Variants in CFB observed in about 807,000 individuals in gnomAD.
The protein encoded by CFB is B-factor, properdin.
Under a neutral mutation model 97.2 loss-of-function variants are expected in CFB, and 59 were observed. The observed-to-expected ratio is 0.61, with a 90% CI of 0.49 to 0.75. The LOEUF (loss-of-function observed/expected upper bound fraction) is 0.75. Among genes scored for constraint, CFB ranks in the 30% least tolerant of loss-of-function variants. The pLI is 0.00. For synonymous variants in CFB, 316 were observed against 351.7 expected, an observed-to-expected ratio of 0.90 and a Z score of 1.14; for missense variants, 771 against 959.8, an observed-to-expected ratio of 0.80 and a Z score of 2.60.
chr6:31,950,639 G>A lies in CFB; in HGVS notation c.1645G>A (p.Glu549Lys). The change falls in exon 13 of 18, where the codon GAG becomes AAG. Residue 549 changes from glutamate to lysine, a missense_variant. Glu to Lys is a moderately conservative substitution (Grantham distance 56). Transcript: ENST00000425368. ...TTCAGGAGGGGAGAAGCGGGACCTG[G>A]AGATAGAAGTAGTCCTATTTCACCC... Reference protein sequence around the residue: ...VSVGGEKRDLEIEVVLFHPNY... With the variant: ...VSVGGEKRDLKIEVVLFHPNY... 1 of 1,613,078 alleles carries A rather than the reference G, an allele frequency of 6.2e-7. No individual in the cohort carries two copies. Among genetic ancestry groups the A allele is most frequent in the African/African-American group, 1.3e-5 (1 of 75,050 alleles).
chr6:31,949,086 C>A, intron 8 of CFB, 125 bp downstream of exon 8: 1 of 1,478,212 alleles, frequency 6.8e-7, no homozygotes, highest in Non-Finnish European at 9.3e-7. Flanking sequence ...GCTGGCTGTT[C>A]ATCTCTCCTG....
At position 31,947,977 on chromosome 6, in the gene CFB, C is replaced by T. The variant is rs1396757896; in HGVS notation, c.793C>T (p.Pro265Ser). ...ACAGAAGCGGAAGATCGTCCTGGAC[C>T]CTTCAGGCTCCATGAACATCTACCT... ...EQQKRKIVLDPSGSMNIYLVL... is the reference protein window; with the variant it reads ...EQQKRKIVLDSSGSMNIYLVL... The change falls in exon 6 of 18, where the codon CCT (proline) becomes TCT (serine). Residue 265 changes from proline (P) to serine (S), a missense_variant. Coordinates refer to ENST00000425368, the MANE Select transcript of CFB (RefSeq NM_001710.6). This position sits in a 1 kb window ranked among gnomAD's most constrained non-coding sequence, Gnocchi z 5.3. 1 of 1,614,186 alleles carries T rather than the reference C, an allele frequency of 6.2e-7. No homozygotes were observed. The highest frequency in any genetic ancestry group is 1.7e-5 in the Admixed American group (1 of 60,030).
intron 6 of CFB, 26 bp downstream of exon 6, chr6:31,948,107 G>A (rs1285255991): frequency 2.5e-6 from 4 of 1,607,366 alleles, no homozygotes; most frequent in Non-Finnish European, 3.4e-6. Context: ...CCCTGAACTC[G>A]GGGGAATGGA....
chr6:31,948,696 T>A (rs558389604), intron 7 of CFB, 134 bp from the exon 8 acceptor site: 101 of 1,534,848 alleles, frequency 6.6e-5, no homozygotes, highest in Non-Finnish European at 8.9e-5. Context: ...CACTTTGTGG[T>A]CAAAGGGAAG....
In CFB at chr6:31,951,876, T is replaced by C; in HGVS notation, c.2141T>C (p.Val714Ala). 6.2e-7 allele frequency: 1 copy of C among 1,613,188 alleles called. No homozygotes were observed. Among genetic ancestry groups the C allele is most frequent in the Non-Finnish European group, 8.5e-7 (1 of 1,180,032 alleles). ...CATGGCACCCCACTGCCTCTGCAGG[T>C]TGGTGTAATCAGCTGGGGAGTAGTG... is the stretch of plus-strand genomic sequence containing the variant. ...IVHKRSRFIQ[V>A]GVISWGVVDV... The change falls in exon 18 of 18, where the codon GTT becomes GCT. Residue 714 changes from valine to alanine, a missense_variant and splice_region_variant. By Grantham distance (64) the Val-to-Ala change is moderately conservative (BLOSUM62 0). Transcript: ENST00000425368. This position sits in a 1 kb window ranked among gnomAD's most constrained non-coding sequence, Gnocchi z 4.3.
chr6:31,948,988 AG>A, intron 8 of CFB, 27 bp downstream of exon 8: 1 of 1,612,760 alleles, frequency 6.2e-7, no homozygotes, highest in Non-Finnish European at 8.5e-7. Context: ...CTCCTGTCCC[AG>A]CCTCCCCACC....
In CFB at chr6:31,947,528, T is replaced by C. The variant is rs541260302; in HGVS notation, c.658+7T>C. 116 of 1,612,892 alleles carry C rather than the reference T, an allele frequency of 7.2e-5. No individual in the cohort carries two copies. The African/African-American group carries it at 1.5e-3, about 20-fold the overall frequency. On this transcript the variant is annotated splice_region_variant and intron_variant, in intron 4 of 17. Transcript: ENST00000425368. This position sits in a 1 kb window ranked among gnomAD's most constrained non-coding sequence, Gnocchi z 5.3. Reference sequence around the variant, plus strand: ...ACGGAGCCTTCCTGCCAAGGTGACCTTTGACCTGTACCCCCAGGTCAGATC... The same window carrying C: ...ACGGAGCCTTCCTGCCAAGGTGACCCTTGACCTGTACCCCCAGGTCAGATC...
At position 31,946,616 on chromosome 6, in the gene CFB, C is replaced by T; in HGVS notation, c.298+10C>T. ...AAGGCAGAGTGCAGAGGTTTGAGGG[C>T]AATGAGTGTGGGCAGTGGCCTAAGG... On this transcript the variant is annotated intron_variant, in intron 2 of 17. Transcript: ENST00000425368. The surrounding 1 kb of genome is among the most constrained non-coding windows in gnomAD (Gnocchi z 6.4). The T allele has an allele frequency of 6.2e-7, 1 of 1,603,630 alleles. No homozygotes were observed. Among genetic ancestry groups the T allele is most frequent in the Non-Finnish European group, 8.5e-7 (1 of 1,178,546 alleles).
Position 31,948,491 on chromosome 6 carries a change from C to T in CFB, c.1015C>T (p.Leu339Phe), listed in dbSNP as rs774296370. 4 of 1,614,130 alleles carry T rather than the reference C, an allele frequency of 2.5e-6. No homozygotes were observed. The highest frequency in any genetic ancestry group is 3.4e-6 in the Non-Finnish European group (4 of 1,180,036). ...SSNADWVTKQ[L>F]NEINYEDHKL... is the part of the protein sequence containing the mutation. ...TAATGCAGACTGGGTCACGAAGCAG[C>T]TCAATGAAATCAATTATGAAGGTCA... Residue 339 changes from leucine to phenylalanine, a missense_variant, in exon 7 of 18, where the codon CTC (leucine) becomes TTC (phenylalanine). Leu to Phe is a conservative substitution (Grantham distance 22, BLOSUM62 0). Transcript: ENST00000425368.
At chr6:31,949,807 AG>A in intron 10 of CFB, 1 of 684,444 alleles carries the variant, frequency 1.5e-6, no homozygotes, top group Non-Finnish European at 2.5e-6. Context: ...AAGGAGGTCA[AG>A]GGACAGCAAG....
In CFB at chr6:31,950,769, T is replaced by C. The variant is rs770907361; in HGVS notation, c.1775T>C (p.Ile592Thr). 2.1e-5 allele frequency: 34 copies of C among 1,612,912 alleles called. No homozygotes were observed. Among genetic ancestry groups the C allele is most frequent in the Admixed American group, 1.2e-4 (7 of 60,008 alleles). Residue 592 changes from isoleucine (I) to threonine (T), a missense_variant, in exon 13 of 18, where the codon ATC becomes ACC. Coordinates refer to ENST00000425368, the MANE Select transcript of CFB (RefSeq NM_001710.6). ...LKNKLKYGQT[I>T]RPICLPCTEG... ...AATAAGCTGAAATATGGCCAGACTA[T>C]CAGGTGAGAGCGTCCAGATCCCTGA... is the stretch of plus-strand genomic sequence containing the variant.
In CFB at chr6:31,951,652, G is replaced by A; in HGVS notation, c.2139+48G>A. The A allele has an allele frequency of 1.2e-6, 2 of 1,612,626 alleles. No individual in the cohort carries two copies. The highest frequency in any genetic ancestry group is 1.7e-6 in the Non-Finnish European group (2 of 1,178,680). ...GGGGAGATGCCAAGTGGTCAGCATG[G>A]GCCCCAAAGCAGGAAAGCTCAATGC... On this transcript the variant is annotated intron_variant, in intron 17 of 17. Transcript: ENST00000425368. This position sits in a 1 kb window ranked among gnomAD's most constrained non-coding sequence, Gnocchi z 4.3.
At chr6:31,949,139 A>C in intron 8 of CFB, 104 bp from the exon 9 acceptor site, 1 of 1,431,894 alleles carries the variant, frequency 7.0e-7, no homozygotes, top group Non-Finnish European at 9.7e-7. Context: ...GTGATCAACT[A>C]TCTCTAACCC....
In CFB at chr6:31,947,233, C is replaced by T. The variant is rs182413121; in HGVS notation, c.484+41C>T. The T allele has an allele frequency of 3.4e-5, 54 of 1,611,568 alleles. No homozygotes were observed. The highest frequency in any genetic ancestry group is 1.3e-4 in the South Asian group (12 of 91,062). On this transcript the variant is annotated intron_variant, in intron 3 of 17. Transcript: ENST00000425368. The surrounding 1 kb of genome is among the most constrained non-coding windows in gnomAD (Gnocchi z 5.3). ...TCCCCCTACATTGCTGTCTCCCTGACGGCGCCCAGCCCGAGGAGTGGGCAC... is the reference window on the plus strand; with the variant it reads ...TCCCCCTACATTGCTGTCTCCCTGATGGCGCCCAGCCCGAGGAGTGGGCAC...
In CFB at chr6:31,947,960, G is replaced by A. The variant is rs1188488195; in HGVS notation, c.776G>A (p.Arg259Gln). 6 of 1,614,058 alleles carry A rather than the reference G, an allele frequency of 3.7e-6. No homozygotes were observed. The highest frequency in any genetic ancestry group is 2.2e-5 in the South Asian group (2 of 91,084). Residue 259 changes from arginine (R) to glutamine (Q), a missense_variant, in exon 6 of 18, where the codon CGG (arginine) becomes CAG (glutamine). Arg to Gln is a conservative substitution (Grantham distance 43, BLOSUM62 1). Coordinates refer to ENST00000425368, the MANE Select transcript of CFB (RefSeq NM_001710.6). This position sits in a 1 kb window ranked among gnomAD's most constrained non-coding sequence, Gnocchi z 5.3. The stretch of plus-strand genomic sequence containing the variant: ...TGGCACCCAGGGGAACAACAGAAGC[G>A]GAAGATCGTCCTGGACCCTTCAGGC... ...DGHGPGEQQK[R>Q]KIVLDPSGSM...
intron 12 of CFB, 87 bp downstream of exon 12, chr6:31,950,490 C>T (rs1254247239): frequency 2.6e-6 from 4 of 1,561,782 alleles, no homozygotes; most frequent in Non-Finnish European, 3.5e-6. Context: ...CTCCACCCAT[C>T]CTCAATGCAG....
intron 10 of CFB, 91 bp from the exon 11 acceptor site, chr6:31,949,959 C>T: frequency 8.2e-7 from 1 of 1,214,358 alleles, no homozygotes. Flanking sequence ...TCCTTTTGGG[C>T]CTTTGCTCCC....
At chr6:31,948,735 T>G (rs1771583359) in intron 7 of CFB, 95 bp from the exon 8 acceptor site, 2 of 1,601,406 alleles carry the variant, frequency 1.2e-6, no homozygotes, top group Non-Finnish European at 1.7e-6. Context: ...ACTTAAAAAG[T>G]TGAAAGATGT....
intron 6 of CFB, 27 bp downstream of exon 6, chr6:31,948,108 G>A (rs1334357804): frequency 6.2e-7 from 1 of 1,607,556 alleles, no homozygotes; most frequent in South Asian, 1.1e-5. Context: ...CCTGAACTCG[G>A]GGGAATGGAA....
Sources: allele counts gnomAD v4.1 joint callset, GRCh38; gene constraint gnomAD v4.1.1; non-coding constraint Gnocchi (gnomAD v3.1); transcripts MANE v1.5; gene names NCBI Gene and HGNC (gene_info 2026-07-23, HGNC 2026-07-21).